APBB2: variants seen among roughly 807,000 people sequenced by gnomAD.
APBB2 encodes amyloid beta precursor protein binding family B member 2, also known as Fe65-like 1.
APBB2 carries 38 observed loss-of-function variants against 82.5 expected under a neutral mutation model. The observed-to-expected ratio is 0.46, with a 90% CI of 0.36 to 0.60. APBB2 has a LOEUF of 0.60. Among genes scored for constraint, APBB2 ranks in the 20% least tolerant of loss-of-function variants. The pLI, the probability that APBB2 is intolerant of heterozygous loss-of-function variation, is 0.00. For missense variants in APBB2, 772 were observed against 972.3 expected (o/e 0.79, Z 2.74); for synonymous variants, 341 against 368.2 (o/e 0.93, Z 0.85).
At chr4:40,863,919 A>C (rs1473759557) in intron 12 of APBB2, among the ~76,000 whole-genome samples, 1 of 149,784 alleles carries the variant, frequency 6.7e-6, no homozygotes, top group Non-Finnish European at 1.5e-5. Context: ...AAAAAAAAGC[A>C]AGCCAGGGAG....
At chr4:41,100,463 G>T (rs1209526969) in intron 3 of APBB2, among the ~76,000 whole-genome samples, 176 bp downstream of exon 3, 1 of 147,838 alleles carries the variant, frequency 6.8e-6, no homozygotes, top group Non-Finnish European at 1.5e-5. Flanking sequence ...TCTCTTGCAA[G>T]TTTTTTTTTT....
intron 8 of APBB2, 98 bp downstream of exon 8, chr4:40,934,979 G>T: frequency 1.9e-6 from 2 of 1,041,512 alleles, no homozygotes; most frequent in Non-Finnish European, 2.8e-6. Flanking sequence ...CTGTGTCCCT[G>T]CAGAATGCAT....
chr4:40,967,153 G>A (rs1794866267), intron 6 of APBB2, among the ~76,000 whole-genome samples: 1 of 152,178 alleles, frequency 6.6e-6, no homozygotes, highest in Non-Finnish European at 1.5e-5. Context: ...CAGACAACAG[G>A]ATGACCTGGC....
At chr4:40,897,258 C>CT (rs1239712804) in intron 10 of APBB2, among the ~76,000 whole-genome samples, 1 of 152,178 alleles carries the variant, frequency 6.6e-6, no homozygotes. Context: ...AATCCCAGCA[C>CT]TTTTGGAGGC....
At chr4:40,959,367 T>C (rs1792488012) in intron 6 of APBB2, among the ~76,000 whole-genome samples, 1 of 152,224 alleles carries the variant, frequency 6.6e-6, no homozygotes, top group African/African-American at 2.4e-5. Flanking sequence ...TGAAAATATA[T>C]TAAATGGAGA....
chr4:41,066,889 G>C (rs1218718985), intron 3 of APBB2, among the ~76,000 whole-genome samples: 1 of 152,222 alleles, frequency 6.6e-6, no homozygotes, highest in African/African-American at 2.4e-5. Context: ...GAAGGGGGCA[G>C]GGTAGAGGCA....
chr4:40,925,565 T>C (rs1347516149), intron 10 of APBB2, among the ~76,000 whole-genome samples: 1 of 152,182 alleles, frequency 6.6e-6, no homozygotes, highest in African/African-American at 2.4e-5. Flanking sequence ...TCTGACTCAA[T>C]GAATGAATCA....
intron 8 of APBB2, 133 bp downstream of exon 8, chr4:40,934,944 A>G: frequency 1.3e-6 from 1 of 777,796 alleles, no homozygotes; most frequent in Non-Finnish European, 2.0e-6. Flanking sequence ...TGTGAGCTGA[A>G]TGCCCCTAGC....
intron 12 of APBB2, among the ~76,000 whole-genome samples, chr4:40,887,092 T>C (rs1770538330): frequency 6.6e-6 from 1 of 152,162 alleles, no homozygotes; most frequent in Non-Finnish European, 1.5e-5. Flanking sequence ...CAGATGTGAC[T>C]CAACTCCTTG....
intron 6 of APBB2, among the ~76,000 whole-genome samples, chr4:40,990,569 T>C (rs1458225584): frequency 6.6e-6 from 1 of 152,172 alleles, no homozygotes; most frequent in African/African-American, 2.4e-5. Context: ...TTCCACAGCC[T>C]ACCATTCCAA....
chr4:41,093,409 A>G (rs1742445951), intron 3 of APBB2, among the ~76,000 whole-genome samples: 1 of 152,146 alleles, frequency 6.6e-6, no homozygotes. Context: ...GCTTCCTTTT[A>G]AGGGTATCTG....
intron 6 of APBB2, among the ~76,000 whole-genome samples, chr4:40,951,959 G>A (rs1578697459): frequency 1.3e-5 from 2 of 152,050 alleles, no homozygotes; most frequent in Admixed American, 6.6e-5. Flanking sequence ...GCCAAGGGGG[G>A]GTGGATCACC....
chr4:40,907,700 G>C (rs1578348127), intron 10 of APBB2, among the ~76,000 whole-genome samples: 1 of 139,930 alleles, frequency 7.1e-6, no homozygotes, highest in African/African-American at 2.7e-5. Flanking sequence ...TTTGAGACAG[G>C]GTCTTGCTCT....
At chr4:40,889,765 A>G (rs988551425) in intron 12 of APBB2, among the ~76,000 whole-genome samples, 1 of 152,214 alleles carries the variant, frequency 6.6e-6, no homozygotes, top group East Asian at 1.9e-4. Flanking sequence ...TCTAAGATGC[A>G]TTTCTTATAA....
At chr4:41,195,240 A>G in intron 1 of APBB2, among the ~76,000 whole-genome samples, 3 of 152,056 alleles carry the variant, frequency 2.0e-5, no homozygotes, top group African/African-American at 7.2e-5. Flanking sequence ...CTGATGAAAC[A>G]CCTCAAATGA....
intron 12 of APBB2, among the ~76,000 whole-genome samples, chr4:40,838,329 ATTTTTTT>A (rs780767835): frequency 2.8e-5 from 2 of 72,260 alleles, no homozygotes; most frequent in East Asian, 3.9e-4. Context: ...CACATGGCTA[ATTTTTTT>A]TTTTTTTTTT....
At chr4:40,940,333 A>C (rs57012465) in intron 7 of APBB2, among the ~76,000 whole-genome samples, 36,476 of 152,098 alleles carry the variant, frequency 0.24, 4,526 homozygotes, top group Admixed American at 0.29. Flanking sequence ...TACTCAGCGT[A>C]AATCACTTGG....
chr4:41,081,034 A>T (rs1453029006), intron 3 of APBB2, among the ~76,000 whole-genome samples: 1 of 152,126 alleles, frequency 6.6e-6, no homozygotes, highest in Non-Finnish European at 1.5e-5. Flanking sequence ...AATTTGACCA[A>T]TTGCCAAACT....
chr4:40,899,969 G>A (rs1467556350), intron 10 of APBB2, among the ~76,000 whole-genome samples: 1 of 152,220 alleles, frequency 6.6e-6, no homozygotes, highest in African/African-American at 2.4e-5. Context: ...ATGAGCTCAT[G>A]TCCATGAAGG....
Sources: allele counts gnomAD v4.1 joint callset (sites outside exome capture counted in the v4.1 genomes callset), GRCh38; gene constraint gnomAD v4.1.1; transcripts MANE v1.5; gene names NCBI Gene and HGNC (gene_info 2026-07-23, HGNC 2026-07-21).